GRIK4: variants seen among roughly 807,000 people sequenced by gnomAD.
GRIK4 encodes glutamate ionotropic receptor kainate type subunit 4.
Under a neutral mutation model 104.9 loss-of-function variants are expected in GRIK4, and 40 were observed. The ratio of observed to expected loss-of-function variants is 0.38; its 90% CI spans 0.30 to 0.50. The LOEUF is 0.50. GRIK4 is among the 20% of genes least tolerant of loss of function. The probability of loss-of-function intolerance (pLI) is 0.93; values close to 1 mark genes in which losing one functional copy is unlikely to be tolerated. For missense variants in GRIK4, 1,047 were observed against 1,308.1 expected (o/e 0.80, Z 3.08); for synonymous variants, 485 against 524.9 (o/e 0.92, Z 1.04).
intron 3 of GRIK4, among the ~76,000 whole-genome samples, chr11:120,662,966 G>T (rs1949844367): frequency 6.6e-6 from 1 of 152,282 alleles, no homozygotes; most frequent in African/African-American, 2.4e-5. Flanking sequence ...CAGCCAAATT[G>T]TCTATTACAG....
chr11:120,986,289 C>A lies in GRIK4; in HGVS notation c.*29C>A, dbSNP rs1012260466. The A allele has an allele frequency of 8.0e-6, 6 of 749,386 alleles. No individual in the cohort carries two copies. The African/African-American group carries it at 1.3e-4, about 16-fold the overall frequency. The allele number at this position is 749,386 out of a possible 1,614,324, so 46.4% of individuals were successfully genotyped here. A position where few individuals can be genotyped will look rare whatever the true frequency, so the allele number is the denominator to read the frequency against. On this transcript the variant is annotated 3_prime_UTR_variant, in exon 21 of 21. Coordinates refer to ENST00000527524, the MANE Select transcript of GRIK4 (RefSeq NM_014619.5). ...CGGAGGCCACAGGACGCGCAGAGGC[C>A]GGGCGGGGCGGGAGGGGAGGGGCGG...
chr11:120,907,413 G>C (rs538109183), intron 13 of GRIK4, among the ~76,000 whole-genome samples: 1 of 152,156 alleles, frequency 6.6e-6, no homozygotes, highest in Non-Finnish European at 1.5e-5. Context: ...GCCACACACC[G>C]AGTGACTTGA....
At chr11:120,671,832 T>A (rs1209458508) in intron 3 of GRIK4, among the ~76,000 whole-genome samples, 5 of 152,132 alleles carry the variant, frequency 3.3e-5, no homozygotes, top group Admixed American at 2.0e-4. Context: ...ATTGCCTAGG[T>A]TTTCTTCTTA....
intron 1 of GRIK4, among the ~76,000 whole-genome samples, chr11:120,548,515 GA>G (rs1442419329): frequency 1.3e-5 from 2 of 152,230 alleles, no homozygotes; most frequent in East Asian, 3.9e-4. Context: ...GGAGCGGGAG[GA>G]GATGAGGCTA....
intron 2 of GRIK4, among the ~76,000 whole-genome samples, chr11:120,657,760 G>T (rs1043237704): frequency 2.0e-5 from 3 of 152,242 alleles, no homozygotes; most frequent in African/African-American, 7.2e-5. Context: ...AAGTGACAAG[G>T]CTCTGCGTGT....
At chr11:120,546,006 T>C (rs1477800884) in intron 1 of GRIK4, among the ~76,000 whole-genome samples, 1 of 152,076 alleles carries the variant, frequency 6.6e-6, no homozygotes, top group Non-Finnish European at 1.5e-5. Context: ...TTGGTGCCCC[T>C]CGGTGTGGCT....
chr11:120,959,735 C>A (rs1490797272), intron 16 of GRIK4, among the ~76,000 whole-genome samples: 1 of 152,250 alleles, frequency 6.6e-6, no homozygotes, highest in East Asian at 1.9e-4. Flanking sequence ...GTAAAACAAT[C>A]TTCTAATTTG....
chr11:120,660,466 G>T, intron 3 of GRIK4, 66 bp downstream of exon 3: 3 of 1,256,936 alleles, frequency 2.4e-6, no homozygotes, highest in South Asian at 1.2e-5. Context: ...AGGGACATGA[G>T]AGTGCTGCAC....
intron 3 of GRIK4, among the ~76,000 whole-genome samples, chr11:120,731,971 T>C (rs1384336433): frequency 6.6e-6 from 1 of 152,184 alleles, no homozygotes; most frequent in African/African-American, 2.4e-5. Flanking sequence ...TAAAGGTTTG[T>C]CATTTTTAAA....
intron 3 of GRIK4, among the ~76,000 whole-genome samples, chr11:120,690,535 G>A (rs1950341634): frequency 2.6e-5 from 4 of 152,346 alleles, no homozygotes; most frequent in Middle Eastern, 3.4e-3. Context: ...GTCGAGCATG[G>A]GCAGCCAGGC....
Position 120,774,241 on chromosome 11 carries a change from A to G in GRIK4, c.83-28452A>G, listed in dbSNP as rs564967481. Among the ~76,000 whole-genome samples, 8 of 152,330 alleles carry G rather than the reference A, an allele frequency of 5.3e-5. No homozygotes were observed. In the East Asian group the frequency reaches 1.5e-3, roughly 29 times the overall value. ...GAGCAGATACTGAAGAATTGGTAGG[A>G]GTTTGCGAAAGGGAGTGCTAGGGAG... On this transcript the variant is annotated intron_variant, in intron 3 of 20. Coordinates refer to ENST00000527524, the MANE Select transcript of GRIK4 (RefSeq NM_014619.5).
chr11:120,875,810 T>A (rs1298547999), intron 11 of GRIK4, among the ~76,000 whole-genome samples: 2 of 152,186 alleles, frequency 1.3e-5, no homozygotes, highest in Admixed American at 1.3e-4. Context: ...TCTCCGCCAT[T>A]ACCCTTTTTC....
intron 3 of GRIK4, among the ~76,000 whole-genome samples, chr11:120,665,469 C>A (rs1949897833): frequency 6.6e-6 from 1 of 152,198 alleles, no homozygotes; most frequent in Non-Finnish European, 1.5e-5. Flanking sequence ...AAATCTCTCC[C>A]CTGGTAAGCA....
At chr11:120,567,848 A>C (rs1948350344) in intron 1 of GRIK4, among the ~76,000 whole-genome samples, 1 of 152,224 alleles carries the variant, frequency 6.6e-6, no homozygotes, top group Admixed American at 6.5e-5. Flanking sequence ...AGGCAGGTAC[A>C]GACCAAAAAC....
At chr11:120,894,070 T>C (rs550772538) in intron 11 of GRIK4, among the ~76,000 whole-genome samples, 4 of 152,198 alleles carry the variant, frequency 2.6e-5, no homozygotes, top group Non-Finnish European at 5.9e-5. Flanking sequence ...CTGGGAACTA[T>C]ACTTTGAGAC....
intron 3 of GRIK4, among the ~76,000 whole-genome samples, chr11:120,794,329 G>A (rs1288379476): frequency 5.3e-5 from 8 of 151,892 alleles, no homozygotes; most frequent in East Asian, 3.9e-4. Context: ...GCTGAGAGTC[G>A]GGTGATGGTT....
intron 13 of GRIK4, among the ~76,000 whole-genome samples, chr11:120,920,958 G>A (rs1943215419): frequency 1.3e-5 from 2 of 152,162 alleles, no homozygotes; most frequent in Admixed American, 6.5e-5. Context: ...TGGTTCCTTG[G>A]ACACAGCATG....
chr11:120,689,921 C>T (rs1203535734), intron 3 of GRIK4, among the ~76,000 whole-genome samples: 1 of 152,094 alleles, frequency 6.6e-6, no homozygotes, highest in African/African-American at 2.4e-5. Context: ...TCCTGGTGCT[C>T]GATAAATATT....
intron 3 of GRIK4, among the ~76,000 whole-genome samples, chr11:120,733,239 A>G (rs1951169232): frequency 6.6e-6 from 1 of 152,192 alleles, no homozygotes; most frequent in Non-Finnish European, 1.5e-5. Context: ...CTTGTAGGCA[A>G]CAGATTATGT....
Sources: allele counts gnomAD v4.1 joint callset (sites outside exome capture counted in the v4.1 genomes callset), GRCh38; gene constraint gnomAD v4.1.1; transcripts MANE v1.5; gene names NCBI Gene and HGNC (gene_info 2026-07-23, HGNC 2026-07-21).